L3MBTL4: variants seen among roughly 807,000 people sequenced by gnomAD.
The protein encoded by L3MBTL4 is L3MBTL histone methyl-lysine binding protein 4, also known as lethal(3)malignant brain tumor-like protein 4.
In L3MBTL4, 70 loss-of-function variants were observed where a neutral mutation model predicts 84.5. The ratio of observed to expected loss-of-function variants is 0.83; its 90% CI spans 0.68 to 1.01. L3MBTL4 has a LOEUF of 1.01. L3MBTL4 is among the 50% of genes least tolerant of loss of function. The pLI, the probability that L3MBTL4 is intolerant of heterozygous loss-of-function variation, is 0.00. For synonymous variants in L3MBTL4, 274 were observed against 259.8 expected, an observed-to-expected ratio of 1.05 and a Z score of -0.52; for missense variants, 715 against 754.8, an observed-to-expected ratio of 0.95 and a Z score of 0.62.
At position 6,287,234 on chromosome 18, in the gene L3MBTL4, T is replaced by A. The variant is rs571394049; in HGVS notation, c.127+14669A>T. Among the ~76,000 whole-genome samples, 104 of 152,294 alleles carry A rather than the reference T, an allele frequency of 6.8e-4. 1 individual carries two copies. In the South Asian group the frequency reaches 7.7e-3, roughly 11 times the overall value. ...ATAGCATGCTTAAACATTATAGGGA[T>A]CATTTAAACAGGCTGTTTTTCTTTA... On this transcript the variant is annotated intron_variant, in intron 4 of 18. Coordinates refer to ENST00000317931, the MANE Select transcript of L3MBTL4 (RefSeq NM_001330559.2).
At chr18:6,208,574 G>C (rs1049462523) in intron 12 of L3MBTL4, among the ~76,000 whole-genome samples, 2 of 152,154 alleles carry the variant, frequency 1.3e-5, no homozygotes, top group African/African-American at 4.8e-5. Flanking sequence ...ATGTTACTCT[G>C]TTTTAAGTCC....
At chr18:6,198,060 T>C (rs1228469682) in intron 12 of L3MBTL4, among the ~76,000 whole-genome samples, 2 of 152,226 alleles carry the variant, frequency 1.3e-5, no homozygotes, top group Admixed American at 6.5e-5. Context: ...TGTGATTGCC[T>C]AAGCTAATCT....
Position 6,116,490 on chromosome 18 carries a change from A to G in L3MBTL4, c.1199+21704T>C, listed in dbSNP as rs145468559. On this transcript the variant is annotated intron_variant, in intron 14 of 18. Transcript: ENST00000317931. ...GCGATGCTCCTGCTTCAGCCTCCCA[A>G]TTATCTAGGATTACCGGCATGCACC... Among the ~76,000 whole-genome samples, 49 of 151,534 alleles carry G rather than the reference A, an allele frequency of 3.2e-4. 1 individual carries two copies. The highest frequency in any genetic ancestry group is 1.2e-3 in the African/African-American group (48 of 41,252).
chr18:6,227,429 G>C (rs1297409698), intron 10 of L3MBTL4, among the ~76,000 whole-genome samples: 2 of 152,138 alleles, frequency 1.3e-5, no homozygotes, highest in Non-Finnish European at 2.9e-5. Flanking sequence ...ATAATACAAA[G>C]TACATTGTTT....
chr18:5,972,995 T>C (rs2052732664), intron 16 of L3MBTL4, among the ~76,000 whole-genome samples: 2 of 152,022 alleles, frequency 1.3e-5, no homozygotes, highest in East Asian at 1.9e-4. Flanking sequence ...GAGCAAAACT[T>C]ATACCTCATT....
intron 14 of L3MBTL4, among the ~76,000 whole-genome samples, chr18:6,127,021 T>G (rs1345541655): frequency 6.6e-6 from 1 of 152,122 alleles, no homozygotes; most frequent in African/African-American, 2.4e-5. Context: ...ATGATAAAAG[T>G]TTTAACTGAA....
chr18:6,348,280 T>C lies in L3MBTL4; in HGVS notation c.-90-36224A>G, dbSNP rs184823718. On this transcript the variant is annotated intron_variant, in intron 1 of 18. Transcript: ENST00000317931. ...GGGATTTTTAAAGAAATTGGTTAGA[T>C]TGATCCTAACAGTTATATGGAAATA... Among the ~76,000 whole-genome samples, 266 of 152,114 alleles carry C rather than the reference T, an allele frequency of 1.7e-3. 3 individuals are homozygous for C. The highest frequency in any genetic ancestry group is 0.017 in the Middle Eastern group (5 of 294).
rs181626808 is a variant in L3MBTL4 at position 6,028,939 on chromosome 18, A to C, written c.1444+51942T>G. On this transcript the variant is annotated intron_variant, in intron 16 of 18. Transcript: ENST00000317931. Reference sequence around the variant, plus strand: ...ATCAGTTTTCAGATAATAAGACCAGAGTAAAATAGACTCAATATTAAAATA... The same window carrying C: ...ATCAGTTTTCAGATAATAAGACCAGCGTAAAATAGACTCAATATTAAAATA... 5.4e-3 allele frequency among the ~76,000 whole-genome samples: 816 copies of C among 152,352 alleles called. 18 individuals carry two copies. Among genetic ancestry groups the C allele is most frequent in the East Asian group, 0.016 (83 of 5,188 alleles).
chr18:6,091,228 C>G (rs900470787), intron 15 of L3MBTL4, among the ~76,000 whole-genome samples: 1 of 151,624 alleles, frequency 6.6e-6, no homozygotes, highest in African/African-American at 2.4e-5. Context: ...TTCCTTTGTT[C>G]TCTTTTGTTC....
chr18:6,027,480 A>T (rs2055565024), intron 16 of L3MBTL4, among the ~76,000 whole-genome samples: 1 of 152,234 alleles, frequency 6.6e-6, no homozygotes, highest in African/African-American at 2.4e-5. Flanking sequence ...TACTGTAAAT[A>T]GTGCTGCAAT....
chr18:5,965,292 C>T (rs542198198), intron 17 of L3MBTL4, among the ~76,000 whole-genome samples: 204 of 152,308 alleles, frequency 1.3e-3, no homozygotes, highest in Non-Finnish European at 1.5e-3. Context: ...AAAGGCCCTG[C>T]GCTAGCCTCT....
At chr18:6,267,681 C>T (rs1221153718) in intron 4 of L3MBTL4, among the ~76,000 whole-genome samples, 1 of 152,230 alleles carries the variant, frequency 6.6e-6, no homozygotes, top group Non-Finnish European at 1.5e-5. Context: ...AATTGTCATG[C>T]ATTATCACTT....
intron 12 of L3MBTL4, among the ~76,000 whole-genome samples, chr18:6,187,084 A>G (rs2044810059): frequency 6.6e-6 from 1 of 152,224 alleles, no homozygotes; most frequent in African/African-American, 2.4e-5. Context: ...AATCTCAGTT[A>G]TAGATGATAT....
chr18:6,003,226 C>T (rs1185923202), intron 16 of L3MBTL4, among the ~76,000 whole-genome samples: 1 of 149,074 alleles, frequency 6.7e-6, no homozygotes, highest in East Asian at 2.0e-4. Flanking sequence ...ATATTCCATA[C>T]ACAAACAGTA....
chr18:6,381,943 T>C (rs1337365151), intron 1 of L3MBTL4, among the ~76,000 whole-genome samples: 1 of 152,232 alleles, frequency 6.6e-6, no homozygotes, highest in Non-Finnish European at 1.5e-5. Context: ...CTTGGTTCCA[T>C]TGTCTCCATC....
rs113897408 is a variant in L3MBTL4 at position 6,159,719 on chromosome 18, C to T, written c.1096+12109G>A. 1.8e-3 allele frequency among the ~76,000 whole-genome samples: 276 copies of T among 152,238 alleles called. 1 individual carries two copies. Among genetic ancestry groups the T allele is most frequent in the Middle Eastern group, 0.01 (3 of 294 alleles). ...CACTCCATACCCCACCAGCCCTTGTCGCGGCACCTCAGTTTTTTGTCATTT... is the reference window on the plus strand; with the variant it reads ...CACTCCATACCCCACCAGCCCTTGTTGCGGCACCTCAGTTTTTTGTCATTT... On this transcript the variant is annotated intron_variant, in intron 13 of 18. Transcript: ENST00000317931.
chr18:6,097,245 A>C (rs1371802741), intron 14 of L3MBTL4, among the ~76,000 whole-genome samples: 3 of 152,246 alleles, frequency 2.0e-5, no homozygotes, highest in African/African-American at 7.2e-5. Flanking sequence ...GTTTTAAAAG[A>C]AAAATGTTTT....
chr18:6,372,330 C>T (rs1452093146), intron 1 of L3MBTL4, among the ~76,000 whole-genome samples: 2 of 152,098 alleles, frequency 1.3e-5, no homozygotes, highest in African/African-American at 2.4e-5. Context: ...ATAAATATGC[C>T]GATGCTGGTG....
Position 6,264,634 on chromosome 18 carries a change from A to T in L3MBTL4, c.128-596T>A, listed in dbSNP as rs866822354. ...CCCCGTCTCTACTAAAAATACAAAA[A>T]TTAGCTGGGCATCGTGGCGGGTGCC... On this transcript the variant is annotated intron_variant, in intron 4 of 18. Transcript: ENST00000317931. Among the ~76,000 whole-genome samples, 5 of 152,266 alleles carry T rather than the reference A, an allele frequency of 3.3e-5. No homozygotes were observed. The Middle Eastern group carries it at 0.01, about 311-fold the overall frequency.
Sources: allele counts gnomAD v4.1 joint callset (sites outside exome capture counted in the v4.1 genomes callset), GRCh38; gene constraint gnomAD v4.1.1; transcripts MANE v1.5; gene names NCBI Gene and HGNC (gene_info 2026-07-23, HGNC 2026-07-21).